NRCAM: variants seen among roughly 807,000 people sequenced by gnomAD.
NRCAM encodes the protein NgCAM-related cell adhesion molecule.
NRCAM carries 83 observed loss-of-function variants against 156.5 expected under a neutral mutation model. The ratio of observed to expected loss-of-function variants is 0.53; its 90% CI spans 0.44 to 0.64. The LOEUF is 0.64. NRCAM is among the 30% of genes least tolerant of loss of function. The pLI, the probability that NRCAM is intolerant of heterozygous loss-of-function variation, is 0.00. For missense variants in NRCAM, 1,417 were observed against 1,597.3 expected, an observed-to-expected ratio of 0.89 and a Z score of 1.92; for synonymous variants, 538 against 563.9, an observed-to-expected ratio of 0.95 and a Z score of 0.65.
intron 8 of NRCAM, among the ~76,000 whole-genome samples, chr7:108,230,297 C>A (rs1420807735): frequency 3.4e-5 from 5 of 147,242 alleles, no homozygotes; most frequent in African/African-American, 1.2e-4. Context: ...CCATTTCTTA[C>A]CCATTCTACT....
chr7:108,154,846 T>C (rs187287463), intron 32 of NRCAM, among the ~76,000 whole-genome samples: 92 of 152,116 alleles, frequency 6.0e-4, no homozygotes, highest in African/African-American at 2.2e-3. Flanking sequence ...GATTTTTTTT[T>C]CCTAAGAAAT....
rs577550258 is a variant in NRCAM at position 108,343,431 on chromosome 7, G to T, written c.-173-30700C>A. On this transcript the variant is annotated intron_variant, in intron 2 of 32. Coordinates refer to ENST00000379028, the MANE Select transcript of NRCAM (RefSeq NM_001037132.4). ...CAGTCTTACACTGCTGGGGTCATCAGAAAGGAAAGGAAAGGGAAATAGAAG... is the reference window on the plus strand; with the variant it reads ...CAGTCTTACACTGCTGGGGTCATCATAAAGGAAAGGAAAGGGAAATAGAAG... 2.6e-3 allele frequency among the ~76,000 whole-genome samples: 390 copies of T among 152,174 alleles called. 1 individual carries two copies. Among genetic ancestry groups the T allele is most frequent in the African/African-American group, 9.1e-3 (379 of 41,522 alleles).
chr7:108,166,826 CA>C, intron 30 of NRCAM, 94 bp downstream of exon 30: 1 of 1,187,928 alleles, frequency 8.4e-7, no homozygotes, highest in Non-Finnish European at 1.2e-6. Context: ...ATGCCCTACC[CA>C]TAACACAGCT....
chr7:108,238,575 T>C (rs1562894115), intron 4 of NRCAM, among the ~76,000 whole-genome samples: 1 of 152,174 alleles, frequency 6.6e-6, no homozygotes, highest in Non-Finnish European at 1.5e-5. Flanking sequence ...ATAATTGAGT[T>C]AGCCATAGGT....
chr7:108,432,509 A>C (rs896819140), intron 1 of NRCAM, among the ~76,000 whole-genome samples: 1 of 152,234 alleles, frequency 6.6e-6, no homozygotes, highest in Non-Finnish European at 1.5e-5. Flanking sequence ...GGACATGTTG[A>C]AAATTTGTTG....
intron 30 of NRCAM, among the ~76,000 whole-genome samples, chr7:108,164,536 C>T (rs185084794): frequency 0.027 from 647 of 23,710 alleles, 5 homozygotes; most frequent in African/African-American, 0.13. Context: ...GACATCCTTA[C>T]ACCGCGGAAC....
chr7:108,317,910 GA>G lies in NRCAM; in HGVS notation c.-173-5180del, dbSNP rs377722562. Among the ~76,000 whole-genome samples the G allele has an allele frequency of 7.3e-3, 678 of 93,014 alleles. 4 individuals carry two copies. Among genetic ancestry groups the G allele is most frequent in the African/African-American group, 0.027 (587 of 21,454 alleles). 61.0% of individuals were successfully genotyped at this position (93,014 alleles called of 152,430 possible). On this transcript the variant is annotated intron_variant, in intron 2 of 32. Transcript: ENST00000379028. ...GGTGACAGAGGGAGACTCAGTCCCA[GA>G]AAAAAAAAAAAAGAAAGAAAGAAAG...
chr7:108,260,760 G>A (rs1170216937), intron 3 of NRCAM, among the ~76,000 whole-genome samples: 3 of 152,164 alleles, frequency 2.0e-5, no homozygotes, highest in Admixed American at 6.5e-5. Context: ...AACAAGAGAT[G>A]GGGAGGCCGA....
At chr7:108,175,442 A>G (rs2060115540) in intron 27 of NRCAM, 85 bp from the exon 28 acceptor site, 1 of 1,184,616 alleles carries the variant, frequency 8.4e-7, no homozygotes, top group Non-Finnish European at 1.2e-6. Flanking sequence ...AAAAACACTT[A>G]TTAAAATGCT....
At position 108,194,371 on chromosome 7, in the gene NRCAM, A is replaced by G. The variant is rs2073765463; in HGVS notation, c.1521T>C (p.Asn507=). ...GGGCCACAGGAATTTCCAAAGTTCC[A>G]TTTTCATGTAAAACATAAATATCTT... ...LHEDIYVLHE[N]GTLEIPVAQK... The change falls in exon 16 of 33, where the codon AAT becomes AAC. Residue 507 remains asparagine, a synonymous_variant. Transcript: ENST00000379028. 6.2e-7 allele frequency: 1 copy of G among 1,613,400 alleles called. No homozygotes were observed. Among genetic ancestry groups the G allele is most frequent in the African/African-American group, 1.3e-5 (1 of 75,022 alleles).
At chr7:108,396,987 T>C (rs981031069) in intron 2 of NRCAM, among the ~76,000 whole-genome samples, 6 of 152,218 alleles carry the variant, frequency 3.9e-5, no homozygotes, top group Non-Finnish European at 7.3e-5. Flanking sequence ...GAGAATCTGA[T>C]TGTTGCATCT....
Position 108,309,564 on chromosome 7 carries a change from T to A in NRCAM, c.-107+3101A>T, listed in dbSNP as rs543150949. On this transcript the variant is annotated intron_variant, in intron 3 of 32. Transcript: ENST00000379028. ...GATAGCTGTCTTTACTGTTAAATTG[T>A]ATTAAAAATTGGCCAGGCATGGTGG... Among the ~76,000 whole-genome samples, 101 of 152,284 alleles carry A rather than the reference T, an allele frequency of 6.6e-4. 1 individual carries two copies. The highest frequency in any genetic ancestry group is 3.4e-3 in the Middle Eastern group (1 of 294).
At chr7:108,172,841 G>T (rs1255110363) in intron 28 of NRCAM, among the ~76,000 whole-genome samples, 2 of 152,144 alleles carry the variant, frequency 1.3e-5, no homozygotes, top group Admixed American at 6.5e-5. Flanking sequence ...GAAAACTTAG[G>T]TTTCATTAAC....
intron 11 of NRCAM, among the ~76,000 whole-genome samples, chr7:108,212,654 G>T (rs993871346): frequency 6.6e-6 from 1 of 152,090 alleles, no homozygotes; most frequent in African/African-American, 2.4e-5. Context: ...GAAATTAAGA[G>T]CTTGAAGACA....
intron 2 of NRCAM, among the ~76,000 whole-genome samples, chr7:108,383,822 C>T (rs2099717599): frequency 1.3e-5 from 2 of 152,150 alleles, no homozygotes; most frequent in African/African-American, 2.4e-5. Context: ...GGGGTGTGTG[C>T]TTGGTTTTTT....
At chr7:108,201,176 T>C (rs1390772911) in intron 13 of NRCAM, among the ~76,000 whole-genome samples, 5 of 130,644 alleles carry the variant, frequency 3.8e-5, no homozygotes, top group Admixed American at 1.6e-4. Flanking sequence ...TTAAGGTCGG[T>C]AAAAAAAAAA....
intron 22 of NRCAM, among the ~76,000 whole-genome samples, 165 bp downstream of exon 22, chr7:108,184,076 T>C (rs556149648): frequency 2.0e-5 from 3 of 151,480 alleles, no homozygotes; most frequent in African/African-American, 7.3e-5. Context: ...AGCAACTATA[T>C]AATACTGCCT....
chr7:108,258,241 A>G (rs978936235), intron 3 of NRCAM, among the ~76,000 whole-genome samples: 2 of 152,208 alleles, frequency 1.3e-5, no homozygotes, highest in Non-Finnish European at 2.9e-5. Context: ...TAAAATGGCA[A>G]TAATTCCCTC....
At chr7:108,362,871 T>C (rs1012717730) in intron 2 of NRCAM, among the ~76,000 whole-genome samples, 2 of 152,178 alleles carry the variant, frequency 1.3e-5, no homozygotes, top group African/African-American at 4.8e-5. Flanking sequence ...TGAGCACACC[T>C]AGTGACCAAA....
Sources: allele counts gnomAD v4.1 joint callset (sites outside exome capture counted in the v4.1 genomes callset), GRCh38; gene constraint gnomAD v4.1.1; transcripts MANE v1.5; gene names NCBI Gene and HGNC (gene_info 2026-07-23, HGNC 2026-07-21).